Variants in SRGAP1 observed in about 807,000 individuals in gnomAD.
SRGAP1 encodes the protein SLIT-ROBO Rho GTPase-activating protein 1.
A neutral mutation model predicts 121.9 loss-of-function variants in SRGAP1; 43 were observed. The observed-to-expected ratio is 0.35, with a 90% CI of 0.28 to 0.46. The LOEUF (loss-of-function observed/expected upper bound fraction) is 0.46. Among genes scored for constraint, SRGAP1 ranks in the 20% least tolerant of loss-of-function variants. The pLI, the probability that SRGAP1 is intolerant of heterozygous loss-of-function variation, is 1.00. For synonymous variants in SRGAP1, 447 were observed against 485.4 expected (o/e 0.92, Z 1.04); for missense variants, 1,102 against 1,350.9 (o/e 0.82, Z 2.89).
At chr12:63,999,349 G>A (rs993337323) in intron 3 of SRGAP1, among the ~76,000 whole-genome samples, 7 of 152,176 alleles carry the variant, frequency 4.6e-5, no homozygotes, top group Non-Finnish European at 7.3e-5. Context: ...CGATAGTGAC[G>A]TGATCCACTT....
At chr12:63,952,069 A>G (rs909582932) in intron 1 of SRGAP1, among the ~76,000 whole-genome samples, 1 of 152,054 alleles carries the variant, frequency 6.6e-6, no homozygotes, top group Non-Finnish European at 1.5e-5. Context: ...GTTAGTTAAC[A>G]TTTTTATCAT....
chr12:63,978,670 G>T (rs143518051), intron 1 of SRGAP1, among the ~76,000 whole-genome samples: 1 of 123,124 alleles, frequency 8.1e-6, no homozygotes, highest in Non-Finnish European at 1.7e-5. Context: ...ACACATTCAC[G>T]TGCAAGTTTT....
At chr12:63,865,936 C>CA (rs60457377) in intron 1 of SRGAP1, among the ~76,000 whole-genome samples, 43,822 of 151,988 alleles carry the variant, frequency 0.29, 7,197 homozygotes, top group East Asian at 0.55. Context: ...TCAGTCCAAC[C>CA]ACTCAGCTCA....
intron 12 of SRGAP1, 26 bp downstream of exon 12, chr12:64,091,404 C>A: frequency 6.5e-7 from 1 of 1,546,252 alleles, no homozygotes; most frequent in Non-Finnish European, 8.9e-7. Context: ...ATCTGGGTGG[C>A]TGATCTCCAT....
intron 15 of SRGAP1, 72 bp downstream of exon 15, chr12:64,097,447 G>A (rs747889893): frequency 3.9e-6 from 6 of 1,534,714 alleles, no homozygotes; most frequent in Non-Finnish European, 5.3e-6. Context: ...AAAGGCAGTG[G>A]CCCCCCTCCA....
At chr12:63,968,716 C>A (rs2032851469) in intron 1 of SRGAP1, among the ~76,000 whole-genome samples, 1 of 152,186 alleles carries the variant, frequency 6.6e-6, no homozygotes, top group African/African-American at 2.4e-5. Flanking sequence ...TCAGGATAAT[C>A]CTGGCCAGTC....
chr12:64,130,429 G>A (rs2036767339), intron 21 of SRGAP1, among the ~76,000 whole-genome samples: 1 of 152,150 alleles, frequency 6.6e-6, no homozygotes, highest in African/African-American at 2.4e-5. Flanking sequence ...GGGGTCACTA[G>A]GGATAATGAT....
intron 21 of SRGAP1, 46 bp from the exon 22 acceptor site, chr12:64,142,249 T>C (rs769571725): frequency 6.3e-6 from 10 of 1,583,684 alleles, no homozygotes; most frequent in Non-Finnish European, 7.7e-6. Flanking sequence ...ACATTAGTAT[T>C]CATTATCAGT....
chr12:64,087,811 C>T lies in SRGAP1; in HGVS notation c.1436+785C>T, dbSNP rs532439810. On this transcript the variant is annotated intron_variant, in intron 11 of 21. Transcript: ENST00000355086. The stretch of plus-strand genomic sequence containing the variant: ...TTAGGATTTTAGCTGTCTATATATT[C>T]TCCATTTTGATTCACTTTAAACATT... Among the ~76,000 whole-genome samples the T allele has an allele frequency of 4.3e-4, 65 of 152,252 alleles. 1 individual carries two copies. In the South Asian group the frequency reaches 0.012, roughly 29 times the overall value.
chr12:63,927,991 T>C (rs1040130639), intron 1 of SRGAP1, among the ~76,000 whole-genome samples: 2 of 152,156 alleles, frequency 1.3e-5, no homozygotes, highest in Non-Finnish European at 2.9e-5. Context: ...TTTTGCCCCT[T>C]TGTTTTGCCT....
chr12:64,028,032 C>T (rs895144133), intron 4 of SRGAP1, among the ~76,000 whole-genome samples: 2 of 152,116 alleles, frequency 1.3e-5, no homozygotes, highest in African/African-American at 4.8e-5. Context: ...TGAAACATTT[C>T]CCTGAGAACT....
At chr12:64,118,462 G>A (rs567392685) in intron 18 of SRGAP1, among the ~76,000 whole-genome samples, 1 of 152,008 alleles carries the variant, frequency 6.6e-6, no homozygotes, top group South Asian at 2.1e-4. Flanking sequence ...GGCTTTTGCC[G>A]TGTTCCCCAG....
intron 3 of SRGAP1, among the ~76,000 whole-genome samples, chr12:64,000,416 G>A (rs1024025884): frequency 6.6e-6 from 1 of 151,910 alleles, no homozygotes; most frequent in Admixed American, 6.6e-5. Flanking sequence ...CAAGACCAGC[G>A]TGGGCAACAT....
intron 1 of SRGAP1, among the ~76,000 whole-genome samples, chr12:63,873,526 T>G (rs1286359054): frequency 1.8e-5 from 2 of 109,652 alleles, no homozygotes; most frequent in African/African-American, 7.2e-5. Flanking sequence ...AGAGTGAAAA[T>G]CCGTCTCAAA....
intron 3 of SRGAP1, among the ~76,000 whole-genome samples, chr12:64,000,239 G>GGGGTGTGTGTGTGT (rs375204504): frequency 1.5e-5 from 2 of 131,526 alleles, no homozygotes; most frequent in Non-Finnish European, 3.2e-5. Context: ...GAAAGGTAGG[G>GGGGTGTGTGTGTGT]GTGTGTGTGT....
At chr12:64,017,880 A>G (rs914010596) in intron 4 of SRGAP1, among the ~76,000 whole-genome samples, 1 of 152,080 alleles carries the variant, frequency 6.6e-6, no homozygotes, top group African/African-American at 2.4e-5. Context: ...AATTAAAACT[A>G]CTTTATTAAA....
intron 3 of SRGAP1, among the ~76,000 whole-genome samples, chr12:64,009,642 T>G (rs1478387948): frequency 6.6e-6 from 1 of 152,178 alleles, no homozygotes; most frequent in Admixed American, 6.5e-5. Flanking sequence ...ATGCCCCAGA[T>G]AGTTCCCTTT....
intron 1 of SRGAP1, chr12:63,871,745 C>A (rs1899861607): frequency 7.5e-6 from 8 of 1,062,562 alleles, no homozygotes; most frequent in Admixed American, 7.3e-5. Flanking sequence ...AAGTTTAGAA[C>A]TGGATCACTT....
intron 1 of SRGAP1, among the ~76,000 whole-genome samples, chr12:63,937,589 C>A (rs897076294): frequency 1.3e-5 from 2 of 152,126 alleles, no homozygotes; most frequent in Non-Finnish European, 2.9e-5. Flanking sequence ...AGCTTGATAT[C>A]CTCTTCAAAG....
Sources: gnomAD v4.1 joint callset for allele counts (sites outside exome capture counted in the v4.1 genomes callset) on GRCh38, gnomAD v4.1.1 for gene constraint, MANE v1.5 for transcripts, NCBI Gene and HGNC (gene_info 2026-07-23, HGNC 2026-07-21) for gene names.